Variants in SLC12A6 observed in about 807,000 individuals in gnomAD.
The protein encoded by SLC12A6 is K-Cl cotransporter 3.
SLC12A6 carries 66 observed loss-of-function variants against 135.3 expected under a neutral mutation model. The ratio of observed to expected loss-of-function variants is 0.49; its 90% CI spans 0.40 to 0.60. The LOEUF is 0.60. Among genes scored for constraint, SLC12A6 ranks in the 20% least tolerant of loss-of-function variants. The pLI is 0.00. For missense variants in SLC12A6, 1,058 were observed against 1,452.3 expected, an observed-to-expected ratio of 0.73 and a Z score of 4.41; for synonymous variants, 513 against 508.8, an observed-to-expected ratio of 1.01 and a Z score of -0.11.
At chr15:34,319,919 C>T (rs746956246) in intron 2 of SLC12A6, among the ~76,000 whole-genome samples, 53 of 150,976 alleles carry the variant, frequency 3.5e-4, no homozygotes, top group African/African-American at 1.1e-3. Flanking sequence ...CTTTAAGTGG[C>T]GTACAGTTCC....
At chr15:34,329,600 G>A (rs76233038) in intron 2 of SLC12A6, among the ~76,000 whole-genome samples, 1,912 of 152,082 alleles carry the variant, frequency 0.013, 35 homozygotes, top group African/African-American at 0.043. Flanking sequence ...ACACAGAAGA[G>A]ACCACCGAAG....
intron 2 of SLC12A6, among the ~76,000 whole-genome samples, chr15:34,333,369 A>G (rs1343081807): frequency 6.6e-6 from 1 of 151,748 alleles, no homozygotes; most frequent in Non-Finnish European, 1.5e-5. Flanking sequence ...AGCTGGGATT[A>G]CAGGCGCACG....
intron 2 of SLC12A6, among the ~76,000 whole-genome samples, chr15:34,285,821 C>G (rs1293139103): frequency 6.6e-6 from 1 of 150,936 alleles, no homozygotes; most frequent in African/African-American, 2.4e-5. Context: ...ATCAAATAAG[C>G]TAGTCATACA....
At position 34,329,961 on chromosome 15, in the gene SLC12A6, T is replaced by A. The variant is rs184225307; in HGVS notation, c.271+6449A>T. On this transcript the variant is annotated intron_variant, in intron 2 of 25. Coordinates refer to ENST00000354181, the MANE Select transcript of SLC12A6 (RefSeq NM_001365088.1). ...GTGGGGAGGAAGGAGCTGGAGTACATTTCATTTAACCTGTAAATACTTCAA... is the reference window on the plus strand; with the variant it reads ...GTGGGGAGGAAGGAGCTGGAGTACAATTCATTTAACCTGTAAATACTTCAA... Among the ~76,000 whole-genome samples the A allele has an allele frequency of 4.1e-3, 621 of 152,344 alleles. 9 individuals carry two copies. Among genetic ancestry groups the A allele is most frequent in the African/African-American group, 0.014 (591 of 41,574 alleles).
chr15:34,281,432 T>C (rs1220114981), intron 2 of SLC12A6, among the ~76,000 whole-genome samples: 23 of 152,176 alleles, frequency 1.5e-4, no homozygotes, highest in Admixed American at 1.2e-3. Context: ...ACATAATATA[T>C]TCTAAATTTA....
chr15:34,247,300 G>A (rs1240836742), intron 13 of SLC12A6, among the ~76,000 whole-genome samples: 1 of 152,004 alleles, frequency 6.6e-6, no homozygotes, highest in Non-Finnish European at 1.5e-5. Flanking sequence ...GGTGGATCAC[G>A]AGGTCAGGAG....
rs200904866 is a variant in SLC12A6, at chr15:34,245,417, G to C, written c.1825-14C>G. ...GTGGCCAAAAACCTGTACACAGAAGGGAAATATCAGGCACAGGAGTACTGA... is the reference window on the plus strand; with the variant it reads ...GTGGCCAAAAACCTGTACACAGAAGCGAAATATCAGGCACAGGAGTACTGA... On this transcript the variant is annotated splice_polypyrimidine_tract_variant and intron_variant, in intron 14 of 25. Transcript: ENST00000354181. The C allele has an allele frequency of 7.2e-7, 1 of 1,379,432 alleles. No homozygotes were observed. The highest frequency in any genetic ancestry group is 1.4e-5 in the African/African-American group (1 of 70,514). 85.4% of individuals were successfully genotyped at this position (1,379,432 alleles called of 1,614,324 possible). A position where few individuals can be genotyped will look rare whatever the true frequency, so the allele number is the denominator to read the frequency against.
chr15:34,279,059 GT>G (rs1167430882), intron 2 of SLC12A6, among the ~76,000 whole-genome samples: 2 of 151,910 alleles, frequency 1.3e-5, no homozygotes, highest in African/African-American at 2.4e-5. Flanking sequence ...GCTCACACCT[GT>G]AATCCCAGCA....
chr15:34,332,023 CCA>C (rs912002857), intron 2 of SLC12A6, among the ~76,000 whole-genome samples: 6 of 152,076 alleles, frequency 3.9e-5, no homozygotes, highest in South Asian at 2.1e-4. Flanking sequence ...AACCGTCTGA[CCA>C]CAGTCTTTAA....
At chr15:34,335,055 A>G (rs1890111351) in intron 2 of SLC12A6, among the ~76,000 whole-genome samples, 1 of 152,244 alleles carries the variant, frequency 6.6e-6, no homozygotes. Context: ...TGGAATTTTT[A>G]CAACCTAAAT....
At chr15:34,292,500 T>C (rs1895607765) in intron 2 of SLC12A6, among the ~76,000 whole-genome samples, 1 of 152,204 alleles carries the variant, frequency 6.6e-6, no homozygotes, top group Admixed American at 6.5e-5. Flanking sequence ...AACATCACGC[T>C]GGGAGAACCA....
At position 34,229,906 on chromosome 15, in the gene SLC12A6, G is replaced by A. The variant is rs936931432; in HGVS notation, c.*3975C>T. The A allele has an allele frequency of 4.1e-6, 4 of 965,826 alleles. No individual in the cohort carries two copies. The highest frequency in any genetic ancestry group is 1.9e-5 in the Admixed American group (1 of 51,682). The allele number at this position is 965,826 out of a possible 1,614,324, so 59.8% of individuals were successfully genotyped here. ...TCACTTATGTTAAAAAGAACCAAAA[G>A]ACTCTTTTCTCCATGGTGGGGTGAC... On this transcript the variant is annotated 3_prime_UTR_variant, in exon 26 of 26. Transcript: ENST00000354181.
chr15:34,260,988 G>T lies in SLC12A6; in HGVS notation c.349C>A (p.Leu117Ile). Residue 117 changes from leucine (L) to isoleucine (I), a missense_variant, in exon 4 of 26, where the codon CTC (leucine) becomes ATC (isoleucine). Physicochemically the swap from Leu to Ile is conservative, Grantham distance 5. This residue lies in a region of SLC12A6 where 176 missense variants were observed against 168.9 expected (regional missense o/e 1.04). Transcript: ENST00000354181. ...CCTTCTTCATAATTGGAATTATTGA[G>T]ATAAGCATTTCGAGCTTTCTTATGT... ...DGHKKARNAY[L>I]NNSNYEEGDE... The T allele has an allele frequency of 6.3e-7, 1 of 1,579,194 alleles. No homozygotes were observed. The highest frequency in any genetic ancestry group is 8.7e-7 in the Non-Finnish European group (1 of 1,148,484).
rs1480829548 is a variant in SLC12A6 at position 34,238,349 on chromosome 15, G to A, written c.2685C>T (p.Asn895=). The change falls in exon 21 of 26, where the codon AAC becomes AAT. Residue 895 remains asparagine (N), a synonymous_variant. Coordinates refer to ENST00000354181, the MANE Select transcript of SLC12A6 (RefSeq NM_001365088.1). ...CCACATTGCTGGGAAAGAAGGAGAT[G>A]TTTTTAGCCACCAGCAGTGCAAGAT... ...AAHLALLVAK[N]ISFFPSNVEQ... The A allele has an allele frequency of 1.2e-6, 2 of 1,613,750 alleles. No individual in the cohort carries two copies. The highest frequency in any genetic ancestry group is 1.3e-5 in the African/African-American group (1 of 74,930).
At chr15:34,293,437 G>A (rs1307301307) in intron 2 of SLC12A6, among the ~76,000 whole-genome samples, 1 of 152,146 alleles carries the variant, frequency 6.6e-6, no homozygotes, top group Non-Finnish European at 1.5e-5. Context: ...CCGAGTAGCT[G>A]AGATTACAGG....
chr15:34,249,279 G>A (rs1892219913), intron 13 of SLC12A6, among the ~76,000 whole-genome samples: 1 of 152,190 alleles, frequency 6.6e-6, no homozygotes, highest in Non-Finnish European at 1.5e-5. Flanking sequence ...AGCGGAAAGG[G>A]CTGGGTGTGT....
chr15:34,317,559 C>T (rs1246864014), intron 2 of SLC12A6, among the ~76,000 whole-genome samples: 1 of 151,374 alleles, frequency 6.6e-6, no homozygotes, highest in African/African-American at 2.4e-5. Context: ...AAAAATTAGC[C>T]GGGCGTGGTG....
intron 2 of SLC12A6, among the ~76,000 whole-genome samples, chr15:34,292,911 C>T (rs545406659): frequency 2.6e-5 from 4 of 152,308 alleles, no homozygotes; most frequent in South Asian, 4.1e-4. Context: ...CCTCCAAGCA[C>T]AGTCACTCAC....
chr15:34,335,579 A>C (rs78209404), intron 2 of SLC12A6, among the ~76,000 whole-genome samples: 16,103 of 152,212 alleles, frequency 0.11, 1,049 homozygotes, highest in South Asian at 0.18. Context: ...TTTAAATTTC[A>C]GAGTCCAAAA....
Sources: allele counts gnomAD v4.1 joint callset (sites outside exome capture counted in the v4.1 genomes callset), GRCh38; gene constraint gnomAD v4.1.1; regional missense constraint gnomAD v4.1.1; transcripts MANE v1.5; gene names NCBI Gene and HGNC (gene_info 2026-07-23, HGNC 2026-07-21).